BTBD9: variants seen among roughly 807,000 people sequenced by gnomAD.
The protein encoded by BTBD9 is BTB domain containing 9.
Under a neutral mutation model 64.3 loss-of-function variants are expected in BTBD9, and 49 were observed. The ratio of observed to expected loss-of-function variants is 0.76; its 90% CI spans 0.61 to 0.97. The LOEUF is 0.97. Ranked by LOEUF, BTBD9 falls within the 50% of genes least tolerant of loss-of-function variation. The pLI, the probability that BTBD9 is intolerant of heterozygous loss-of-function variation, is 0.00. For missense variants in BTBD9, 598 were observed against 762.1 expected, an observed-to-expected ratio of 0.78 and a Z score of 2.53; for synonymous variants, 260 against 274.7, an observed-to-expected ratio of 0.95 and a Z score of 0.53.
At chr6:38,202,076 GT>G (rs1263045337) in intron 9 of BTBD9, among the ~76,000 whole-genome samples, 14 of 135,060 alleles carry the variant, frequency 1.0e-4, no homozygotes, top group African/African-American at 2.9e-4. Flanking sequence ...CAAAAATGTC[GT>G]TTTTTTTGTT....
intron 1 of BTBD9, among the ~76,000 whole-genome samples, chr6:38,618,490 T>C (rs984162916): frequency 2.0e-5 from 3 of 151,860 alleles, no homozygotes; most frequent in African/African-American, 7.3e-5. Context: ...TCCCCACAGC[T>C]CCCCTTCCTA....
At chr6:38,594,377 T>C in intron 2 of BTBD9, 50 bp from the exon 3 acceptor site, 1 of 1,517,232 alleles carries the variant, frequency 6.6e-7, no homozygotes, top group Non-Finnish European at 8.8e-7. Flanking sequence ...TAGGATTTGC[T>C]ACAAAATATT....
At chr6:38,639,105 G>A (rs1193787257) in intron 1 of BTBD9, among the ~76,000 whole-genome samples, 1 of 152,202 alleles carries the variant, frequency 6.6e-6, no homozygotes, top group Non-Finnish European at 1.5e-5. Flanking sequence ...ACGGTTCTGG[G>A]AAATATAGCA....
intron 6 of BTBD9, among the ~76,000 whole-genome samples, chr6:38,502,084 A>ACT (rs2127401298): frequency 6.6e-6 from 1 of 152,218 alleles, no homozygotes; most frequent in African/African-American, 2.4e-5. Context: ...ATTGTCAAGA[A>ACT]CTCTGCTAAT....
chr6:38,610,241 G>A (rs1270634173), intron 1 of BTBD9, among the ~76,000 whole-genome samples: 1 of 152,124 alleles, frequency 6.6e-6, no homozygotes, highest in Non-Finnish European at 1.5e-5. Context: ...TATAAACCAA[G>A]AAGCTTATGT....
intron 6 of BTBD9, among the ~76,000 whole-genome samples, chr6:38,496,607 C>T (rs1771969673): frequency 6.6e-6 from 1 of 150,750 alleles, no homozygotes; most frequent in African/African-American, 2.4e-5. Flanking sequence ...CATGATCACA[C>T]CACTGCACTG....
At chr6:38,247,349 C>G (rs1764243793) in intron 9 of BTBD9, among the ~76,000 whole-genome samples, 1 of 152,140 alleles carries the variant, frequency 6.6e-6, no homozygotes, top group Non-Finnish European at 1.5e-5. Context: ...GAATAAATAG[C>G]AGATACAGAA....
chr6:38,477,681 A>G (rs4714165), intron 6 of BTBD9, among the ~76,000 whole-genome samples: 77,828 of 152,130 alleles, frequency 0.51, 20,814 homozygotes, highest in East Asian at 0.96. Context: ...TAATGCTATC[A>G]GGGAATAGGA....
chr6:38,503,913 C>T (rs1772329994), intron 6 of BTBD9, among the ~76,000 whole-genome samples: 1 of 152,168 alleles, frequency 6.6e-6, no homozygotes, highest in Non-Finnish European at 1.5e-5. Context: ...ATATATCACA[C>T]TCTAACAGCC....
rs931930986 is a variant in BTBD9, at chr6:38,486,120, T to C, written c.1154+91480A>G. ...CCTCTGCTAGCTCTAAGCTTTTGTT[T>C]TGCACCTTCCGCACCTCTCTCAGCC... On this transcript the variant is annotated intron_variant, in intron 6 of 10. Coordinates refer to ENST00000481247, the MANE Select transcript of BTBD9 (RefSeq NM_001099272.2). 3.9e-5 allele frequency among the ~76,000 whole-genome samples: 6 copies of C among 152,332 alleles called. No homozygotes were observed. In the South Asian group the frequency reaches 1.0e-3, roughly 26 times the overall value.
At chr6:38,531,194 G>C (rs188421640) in intron 6 of BTBD9, among the ~76,000 whole-genome samples, 3 of 152,274 alleles carry the variant, frequency 2.0e-5, no homozygotes, top group Admixed American at 6.5e-5. Flanking sequence ...CGAAGGTCTA[G>C]GATAAAGAAA....
rs200672700 is a variant in BTBD9, at chr6:38,175,075, G to A, written c.1749C>T (p.Leu583=). ...TGDTSLAGQQ[L]DSHALRAPSG... is the part of the protein sequence containing the mutation. Reference sequence around the variant, plus strand: ...TAGGCGCCCGCAGCGCATGGGAGTCGAGCTGCTGACCGGCCAGGCTGGTGT... The same window carrying A: ...TAGGCGCCCGCAGCGCATGGGAGTCAAGCTGCTGACCGGCCAGGCTGGTGT... Residue 583 remains leucine, a synonymous_variant, in exon 11 of 11, where the codon CTC becomes CTT. Coordinates refer to ENST00000481247, the MANE Select transcript of BTBD9 (RefSeq NM_001099272.2). 4.3e-6 allele frequency: 7 copies of A among 1,614,228 alleles called. No individual in the cohort carries two copies. The highest frequency in any genetic ancestry group is 2.2e-5 in the East Asian group (1 of 44,882).
At chr6:38,493,828 G>C (rs897210456) in intron 6 of BTBD9, among the ~76,000 whole-genome samples, 2 of 152,170 alleles carry the variant, frequency 1.3e-5, no homozygotes, top group Non-Finnish European at 2.9e-5. Context: ...ATTGGTTTTA[G>C]CGTTTTTAAC....
chr6:38,227,863 G>T (rs998764276), intron 9 of BTBD9, among the ~76,000 whole-genome samples: 3 of 152,162 alleles, frequency 2.0e-5, no homozygotes, highest in African/African-American at 7.2e-5. Flanking sequence ...CTTTTCTTCT[G>T]AAGAAATTCA....
rs1392547986 is a variant in BTBD9 at position 38,174,792 on chromosome 6, A to C, written c.*193T>G. On this transcript the variant is annotated 3_prime_UTR_variant, in exon 11 of 11. Coordinates refer to ENST00000481247, the MANE Select transcript of BTBD9 (RefSeq NM_001099272.2). ...CCTTGAGACCTGCCTGATTTGGATA[A>C]ATTGAGAAGAACAAAGCAGCCCCTT... The C allele has an allele frequency of 1.5e-6, 1 of 645,476 alleles. No homozygotes were observed. The highest frequency in any genetic ancestry group is 1.8e-5 in the African/African-American group (1 of 54,972). 40.0% of individuals were successfully genotyped at this position (645,476 alleles called of 1,614,324 possible). A position where few individuals can be genotyped will look rare whatever the true frequency, so the allele number is the denominator to read the frequency against.
rs150347054 is a variant in BTBD9 at position 38,334,694 on chromosome 6, C to T, written c.1264+10290G>A. On this transcript the variant is annotated intron_variant, in intron 7 of 10. Transcript: ENST00000481247. ...CAAAACAAAACAAAAACAAGCTGTA[C>T]GCATTTACATTTACCTAGACACACA... 3.1e-3 allele frequency among the ~76,000 whole-genome samples: 467 copies of T among 151,710 alleles called. 2 individuals carry two copies. The highest frequency in any genetic ancestry group is 0.01 in the African/African-American group (431 of 41,326).
At chr6:38,405,583 AT>A (rs1327554638) in intron 6 of BTBD9, among the ~76,000 whole-genome samples, 1 of 151,862 alleles carries the variant, frequency 6.6e-6, no homozygotes, top group Non-Finnish European at 1.5e-5. Flanking sequence ...CATATTAATC[AT>A]TTTATTGGTT....
intron 6 of BTBD9, among the ~76,000 whole-genome samples, chr6:38,493,733 T>C (rs574820265): frequency 1.1e-4 from 17 of 152,280 alleles, no homozygotes; most frequent in African/African-American, 4.1e-4. Flanking sequence ...GGGATGGAGC[T>C]AGCTGTGGGG....
intron 1 of BTBD9, among the ~76,000 whole-genome samples, chr6:38,629,666 A>T (rs1302727846): frequency 6.6e-6 from 1 of 151,948 alleles, no homozygotes; most frequent in African/African-American, 2.4e-5. Flanking sequence ...TACTAAAAAT[A>T]CAAAAATTAG....
Sources: gnomAD v4.1 joint callset for allele counts (sites outside exome capture counted in the v4.1 genomes callset) on GRCh38, gnomAD v4.1.1 for gene constraint, MANE v1.5 for transcripts, NCBI Gene and HGNC (gene_info 2026-07-23, HGNC 2026-07-21) for gene names.